CDH2: variants seen among roughly 807,000 people sequenced by gnomAD.
CDH2 encodes cadherin 2, also known as cadherin-2.
In CDH2, 17 loss-of-function variants were observed where a neutral mutation model predicts 92.0. That is an observed-to-expected ratio of 0.18 (90% CI 0.13 to 0.28). The LOEUF (loss-of-function observed/expected upper bound fraction) is 0.28, where lower values mean the gene tolerates loss of function less well. Among genes scored for constraint, CDH2 ranks in the 10% least tolerant of loss-of-function variants. The pLI is 1.00. For missense variants in CDH2, 862 were observed against 1,133.1 expected (o/e 0.76, Z 3.44); for synonymous variants, 419 against 415.9 (o/e 1.01, Z -0.09).
chr18:27,950,167 A>G (rs1386495243), downstream of CDH2, among the ~76,000 whole-genome samples: 1 of 152,142 alleles, frequency 6.6e-6, no homozygotes, highest in Non-Finnish European at 1.5e-5. Context: ...TACAAAGTGA[A>G]TCAATAGAAA....
intron 1 of CDH2, among the ~76,000 whole-genome samples, chr18:28,170,750 G>C (rs1228075556): frequency 6.6e-6 from 1 of 152,036 alleles, no homozygotes; most frequent in Admixed American, 6.5e-5. Flanking sequence ...CCTACAGCAG[G>C]GGTTATTAAA....
chr18:28,138,163 A>T (rs1248151148), intron 2 of CDH2, among the ~76,000 whole-genome samples: 1 of 152,100 alleles, frequency 6.6e-6, no homozygotes, highest in African/African-American at 2.4e-5. Context: ...ACTGGCATTA[A>T]TTCCTAGGGC....
At chr18:28,033,027 G>C (rs2013737144) in intron 2 of CDH2, among the ~76,000 whole-genome samples, 2 of 152,114 alleles carry the variant, frequency 1.3e-5, no homozygotes, top group South Asian at 4.1e-4. Flanking sequence ...TTTCAAGGGA[G>C]AAAGGGAAAT....
At chr18:28,167,902 T>G (rs1598523179) in intron 1 of CDH2, among the ~76,000 whole-genome samples, 1 of 152,184 alleles carries the variant, frequency 6.6e-6, no homozygotes, top group Middle Eastern at 3.4e-3. Flanking sequence ...AGGCCAATAT[T>G]TTCGCTGCAA....
Position 28,104,692 on chromosome 18 carries a change from A to ATATCTATCTATCTATCTATC in CDH2, c.172+42961_172+42980dup, listed in dbSNP as rs5823586. ...TAAACATACATATAGATGCAAATAC[A>ATATCTATCTATCTATCTATC]TATCTATCTATCTATCTATCTATCT... On this transcript the variant is annotated intron_variant, in intron 2 of 15. Transcript: ENST00000269141. Among the ~76,000 whole-genome samples the ATATCTATCTATCTATCTATC allele has an allele frequency of 3.6e-4, 54 of 148,458 alleles. No individual in the cohort carries two copies. In the South Asian group the frequency reaches 4.1e-3, roughly 11 times the overall value.
chr18:28,102,972 T>C (rs545654994), intron 2 of CDH2, among the ~76,000 whole-genome samples: 1 of 151,990 alleles, frequency 6.6e-6, no homozygotes, highest in South Asian at 2.1e-4. Flanking sequence ...TACGTATATC[T>C]GTGCTGATTT....
At chr18:27,981,476 T>C (rs1043695231) in intron 14 of CDH2, among the ~76,000 whole-genome samples, 2 of 152,198 alleles carry the variant, frequency 1.3e-5, no homozygotes, top group African/African-American at 4.8e-5. Flanking sequence ...ACTTTAAATA[T>C]GCATCTCTTC....
chr18:27,948,021 A>G (rs1027746570), downstream of CDH2, among the ~76,000 whole-genome samples: 2 of 147,154 alleles, frequency 1.4e-5, no homozygotes, highest in Admixed American at 6.9e-5. Flanking sequence ...GAAAACAGAT[A>G]TAAGTGATAT....
chr18:28,125,690 G>A (rs1293756015), intron 2 of CDH2, among the ~76,000 whole-genome samples: 1 of 152,070 alleles, frequency 6.6e-6, no homozygotes, highest in Non-Finnish European at 1.5e-5. Context: ...TGCTGAGCTT[G>A]TTCTAAGCAC....
In CDH2 at chr18:27,969,978, C is replaced by T. The variant is rs547577762; in HGVS notation, c.2350-6457G>A. Among the ~76,000 whole-genome samples, 21 of 151,574 alleles carry T rather than the reference C, an allele frequency of 1.4e-4. 1 individual carries two copies. Among genetic ancestry groups the T allele is most frequent in the African/African-American group, 2.2e-4 (9 of 41,288 alleles). Reference sequence around the variant, plus strand: ...TCGTGCCATTGCACTCCAGCCTGGGCGACAACAGTGAAATTCTGTCTCAAC... The same window carrying T: ...TCGTGCCATTGCACTCCAGCCTGGGTGACAACAGTGAAATTCTGTCTCAAC... On this transcript the variant is annotated intron_variant, in intron 14 of 15. Transcript: ENST00000269141.
chr18:28,096,813 A>G (rs1457979431), intron 2 of CDH2, among the ~76,000 whole-genome samples: 1 of 152,248 alleles, frequency 6.6e-6, no homozygotes, highest in Non-Finnish European at 1.5e-5. Context: ...CTTTGTAAAT[A>G]AGACTTAAAT....
At chr18:27,971,232 T>A (rs1341303050) in intron 14 of CDH2, among the ~76,000 whole-genome samples, 2 of 126,510 alleles carry the variant, frequency 1.6e-5, no homozygotes, top group African/African-American at 5.3e-5. Flanking sequence ...CGAGACTCCA[T>A]CTCAAAAAAA....
At chr18:28,130,944 T>C (rs946570872) in intron 2 of CDH2, among the ~76,000 whole-genome samples, 42 of 152,182 alleles carry the variant, frequency 2.8e-4, no homozygotes, top group Non-Finnish European at 3.1e-4. Flanking sequence ...AGACACCACA[T>C]GCATGGACAC....
intron 1 of CDH2, among the ~76,000 whole-genome samples, chr18:28,153,817 T>G (rs2016164386): frequency 6.6e-6 from 1 of 152,222 alleles, no homozygotes; most frequent in African/African-American, 2.4e-5. Context: ...CTTAGCTATT[T>G]GTCATCACAG....
chr18:28,129,421 A>G (rs1456059606), intron 2 of CDH2, among the ~76,000 whole-genome samples: 1 of 152,230 alleles, frequency 6.6e-6, no homozygotes, highest in Non-Finnish European at 1.5e-5. Flanking sequence ...GTAAACATGA[A>G]CCAAAATATC....
chr18:28,164,960 G>A (rs1358352691), intron 1 of CDH2, among the ~76,000 whole-genome samples: 1 of 152,190 alleles, frequency 6.6e-6, no homozygotes, highest in Admixed American at 6.5e-5. Flanking sequence ...AAGTGTGGTC[G>A]ATGGAACACT....
intron 6 of CDH2, among the ~76,000 whole-genome samples, chr18:27,934,339 C>A (rs186765204): frequency 6.6e-6 from 1 of 152,152 alleles, no homozygotes; most frequent in African/African-American, 2.4e-5. Flanking sequence ...TGAGAGCAAT[C>A]TGAGTGCCAT....
At chr18:28,166,249 G>A (rs1212686245) in intron 1 of CDH2, among the ~76,000 whole-genome samples, 1 of 144,440 alleles carries the variant, frequency 6.9e-6, no homozygotes, top group Non-Finnish European at 1.5e-5. Flanking sequence ...TATTATATAT[G>A]CAAATACTAA....
At chr18:28,167,327 GTA>G (rs886190161) in intron 1 of CDH2, among the ~76,000 whole-genome samples, 2 of 152,016 alleles carry the variant, frequency 1.3e-5, no homozygotes, top group Non-Finnish European at 2.9e-5. Flanking sequence ...CCCACAAAAG[GTA>G]TTTAGTGGCT....
Sources: allele counts gnomAD v4.1 joint callset (sites outside exome capture counted in the v4.1 genomes callset), GRCh38; gene constraint gnomAD v4.1.1; transcripts MANE v1.5; gene names NCBI Gene and HGNC (gene_info 2026-07-23, HGNC 2026-07-21).